CREB3L1: variants seen among roughly 807,000 people sequenced by gnomAD.
The protein encoded by CREB3L1 is cyclic AMP-responsive element-binding protein 3-like protein 1.
Under a neutral mutation model 54.5 loss-of-function variants are expected in CREB3L1, and 33 were observed. That is an observed-to-expected ratio of 0.61 (90% CI 0.46 to 0.81). The LOEUF (loss-of-function observed/expected upper bound fraction) is 0.81. Among genes scored for constraint, CREB3L1 ranks in the 30% least tolerant of loss-of-function variants. The pLI, the probability that CREB3L1 is intolerant of heterozygous loss-of-function variation, is 0.00. For synonymous variants in CREB3L1, 284 were observed against 286.4 expected (o/e 0.99, Z 0.08); for missense variants, 656 against 673.3 (o/e 0.97, Z 0.29).
At chr11:46,310,146 TC>T in intron 4 of CREB3L1, 79 bp downstream of exon 4, 1 of 1,086,898 alleles carries the variant, frequency 9.2e-7, no homozygotes, top group Non-Finnish European at 1.4e-6. Context: ...GTTCAGCCCA[TC>T]CCTATCTCTT....
Position 46,316,393 on chromosome 11 carries a change from T to C in CREB3L1, c.1131+8T>C, listed in dbSNP as rs1939567695. 1 of 1,518,708 alleles carries C rather than the reference T, an allele frequency of 6.6e-7. No homozygotes were observed. Among genetic ancestry groups the C allele is most frequent in the East Asian group, 2.4e-5 (1 of 41,148 alleles). The allele number at this position is 1,518,708 out of a possible 1,614,324, so 94.1% of individuals were successfully genotyped here. ...ACTGGGACCTGCCTCATGGTAGGTG[T>C]GGCTCCCTCCACCACAGACCCACAG... On this transcript the variant is annotated splice_region_variant and intron_variant, in intron 9 of 11. Coordinates refer to ENST00000621158, the MANE Select transcript of CREB3L1 (RefSeq NM_052854.4).
At chr11:46,297,077 C>G (rs1435041215) in intron 1 of CREB3L1, among the ~76,000 whole-genome samples, 1 of 152,200 alleles carries the variant, frequency 6.6e-6, no homozygotes, top group African/African-American at 2.4e-5. Flanking sequence ...GCTGACTCAC[C>G]GGCTCCCTCT....
intron 1 of CREB3L1, among the ~76,000 whole-genome samples, chr11:46,281,455 A>G (rs1039430086): frequency 1.3e-5 from 2 of 152,230 alleles, no homozygotes; most frequent in Non-Finnish European, 2.9e-5. Context: ...GAGAAGCCCC[A>G]GCTGGGAGGG....
chr11:46,282,870 T>A (rs1018725414), intron 1 of CREB3L1, among the ~76,000 whole-genome samples: 1 of 152,204 alleles, frequency 6.6e-6, no homozygotes, highest in Admixed American at 6.5e-5. Context: ...TCTACAATAA[T>A]GCAATAAATA....
At chr11:46,312,826 G>C in intron 7 of CREB3L1, 25 bp from the exon 8 acceptor site, 1 of 1,577,714 alleles carries the variant, frequency 6.3e-7, no homozygotes, top group Non-Finnish European at 8.6e-7. Context: ...CTGCCCCTGA[G>C]CCTGTGCCTG....
intron 1 of CREB3L1, among the ~76,000 whole-genome samples, chr11:46,291,926 C>T (rs1939136147): frequency 6.6e-6 from 1 of 152,218 alleles, no homozygotes; most frequent in Non-Finnish European, 1.5e-5. Flanking sequence ...AGGCTGAATG[C>T]TGAGTACACT....
Position 46,312,600 on chromosome 11 carries a change from C to T in CREB3L1, c.904-12C>T, listed in dbSNP as rs749306800. 6.2e-7 allele frequency: 1 copy of T among 1,610,702 alleles called. No individual in the cohort carries two copies. The highest frequency in any genetic ancestry group is 8.5e-7 in the Non-Finnish European group (1 of 1,178,402). The stretch of plus-strand genomic sequence containing the variant: ...GCAGTGCTAACCCTTGTTTTCGGGC[C>T]TCCCCCTCTAGATCTCAGCCCAGGA... On this transcript the variant is annotated splice_polypyrimidine_tract_variant and intron_variant, in intron 6 of 11. Transcript: ENST00000621158.
Position 46,278,737 on chromosome 11 carries a change from C to T in CREB3L1, c.102+524C>T, listed in dbSNP as rs1334097762. Among the ~76,000 whole-genome samples the T allele has an allele frequency of 6.6e-6, 1 of 152,202 alleles. No homozygotes were observed. The highest frequency in any genetic ancestry group is 1.5e-5 in the Non-Finnish European group (1 of 68,036). On this transcript the variant is annotated intron_variant, in intron 1 of 11. Transcript: ENST00000621158. The surrounding 1 kb of genome is among the most constrained non-coding windows in gnomAD (Gnocchi z 4.2). ...GGGAATCAGGCCCAGAGACCCCCCACCCCAGGGAGGGACCTGAGGCTGGGG... is the reference window on the plus strand; with the variant it reads ...GGGAATCAGGCCCAGAGACCCCCCATCCCAGGGAGGGACCTGAGGCTGGGG...
At chr11:46,313,764 T>C (rs1939525404) in intron 8 of CREB3L1, among the ~76,000 whole-genome samples, 2 of 152,120 alleles carry the variant, frequency 1.3e-5, no homozygotes, top group African/African-American at 4.8e-5. Flanking sequence ...GTGATTCACA[T>C]GTACTATGAA....
intron 10 of CREB3L1, among the ~76,000 whole-genome samples, chr11:46,318,050 C>T (rs984940252): frequency 3.9e-5 from 6 of 152,288 alleles, no homozygotes; most frequent in Admixed American, 1.3e-4. Context: ...AACCTCGTCT[C>T]TACTAAAAAT....
At chr11:46,307,006 C>G (rs60602051) in intron 2 of CREB3L1, among the ~76,000 whole-genome samples, 3 of 151,756 alleles carry the variant, frequency 2.0e-5, no homozygotes, top group African/African-American at 7.3e-5. Context: ...GCCTCCTGAG[C>G]AGCTGGGACT....
chr11:46,316,015 G>A (rs1273296259), intron 8 of CREB3L1: 3 of 392,598 alleles, frequency 7.6e-6, no homozygotes, highest in South Asian at 4.2e-5. Flanking sequence ...GCAGCTGGGG[G>A]CAGGCCTTCC....
chr11:46,280,197 G>T (rs7480453), intron 1 of CREB3L1, among the ~76,000 whole-genome samples: 38,256 of 144,588 alleles, frequency 0.26, 5,291 homozygotes, highest in Middle Eastern at 0.33. Context: ...TTTGTTTTTT[G>T]TTTTTTTTCA....
chr11:46,300,347 G>A (rs1263585004), intron 2 of CREB3L1, among the ~76,000 whole-genome samples, 184 bp downstream of exon 2: 1 of 152,234 alleles, frequency 6.6e-6, no homozygotes, highest in African/African-American at 2.4e-5. Flanking sequence ...AAAGCCAGAG[G>A]AGCACTTCTC....
chr11:46,310,906 C>T, intron 4 of CREB3L1, 126 bp from the exon 5 acceptor site: 1 of 1,396,962 alleles, frequency 7.2e-7, no homozygotes, highest in African/African-American at 1.5e-5. Context: ...TAGCTGAGAC[C>T]AAGCGCCTGG....
At chr11:46,309,881 C>A in intron 3 of CREB3L1, 108 bp from the exon 4 acceptor site, 2 of 837,558 alleles carry the variant, frequency 2.4e-6, no homozygotes, top group Non-Finnish European at 3.9e-6. Flanking sequence ...CCAGCCACTT[C>A]CCCAACTGTG....
intron 1 of CREB3L1, among the ~76,000 whole-genome samples, chr11:46,288,538 C>T (rs1939089194): frequency 1.3e-5 from 2 of 152,182 alleles, no homozygotes; most frequent in African/African-American, 4.8e-5. Flanking sequence ...GCCCTGATCA[C>T]GGGGATTTTA....
Position 46,320,857 on chromosome 11 carries a change from A to C in CREB3L1, c.*111A>C. The C allele has an allele frequency of 1.7e-6, 2 of 1,169,086 alleles. No homozygotes were observed. The highest frequency in any genetic ancestry group is 5.1e-5 in the East Asian group (2 of 39,210). 72.4% of individuals were successfully genotyped at this position (1,169,086 alleles called of 1,614,324 possible). ...CCTGCCTCCTGGAGCTTCCCATTCC[A>C]GGAGAAAAGGCTCCACTTCCCAGCC... is the stretch of plus-strand genomic sequence containing the variant. On this transcript the variant is annotated 3_prime_UTR_variant, in exon 12 of 12. Transcript: ENST00000621158.
chr11:46,289,049 T>A (rs1204594552), intron 1 of CREB3L1, among the ~76,000 whole-genome samples: 1 of 152,164 alleles, frequency 6.6e-6, no homozygotes, highest in Non-Finnish European at 1.5e-5. Context: ...GCAGAGTATA[T>A]GCTGGGCCCT....
Sources: gnomAD v4.1 joint callset for allele counts (sites outside exome capture counted in the v4.1 genomes callset) on GRCh38, gnomAD v4.1.1 for gene constraint, Gnocchi (gnomAD v3.1) non-coding constraint, MANE v1.5 for transcripts, NCBI Gene and HGNC (gene_info 2026-07-23, HGNC 2026-07-21) for gene names.